SBF2: variants seen among roughly 807,000 people sequenced by gnomAD.
SBF2 encodes SET binding factor 2.
A neutral mutation model predicts 225.2 loss-of-function variants in SBF2; 112 were observed. The observed-to-expected ratio is 0.50, with a 90% CI of 0.43 to 0.58. The LOEUF (loss-of-function observed/expected upper bound fraction) is 0.58, where lower values mean the gene tolerates loss of function less well. Among genes scored for constraint, SBF2 ranks in the 20% least tolerant of loss-of-function variants. SBF2 has a pLI of 0.00. For synonymous variants in SBF2, 763 were observed against 773.3 expected (o/e 0.99, Z 0.22); for missense variants, 1,996 against 2,206.2 (o/e 0.90, Z 1.91).
chr11:9,864,917 AT>A (rs1042716865), intron 17 of SBF2, among the ~76,000 whole-genome samples: 35 of 149,040 alleles, frequency 2.3e-4, no homozygotes, highest in East Asian at 3.9e-4. Context: ...GTTTTTATTT[AT>A]TTTTTTTTTT....
chr11:9,839,402 A>C, intron 26 of SBF2, 96 bp downstream of exon 26: 1 of 1,221,896 alleles, frequency 8.2e-7, no homozygotes, highest in Non-Finnish European at 1.2e-6. Context: ...AGGCATTTTT[A>C]TCTATCTCAG....
At chr11:10,144,692 C>T (rs769367928) in intron 2 of SBF2, among the ~76,000 whole-genome samples, 3 of 152,108 alleles carry the variant, frequency 2.0e-5, no homozygotes, top group Non-Finnish European at 2.9e-5. Context: ...TAAAAGAAAG[C>T]GAGAAAGTTC....
intron 2 of SBF2, among the ~76,000 whole-genome samples, chr11:10,075,538 C>G (rs1231061874): frequency 6.6e-6 from 1 of 152,108 alleles, no homozygotes; most frequent in Admixed American, 6.5e-5. Context: ...AGATTTCCCC[C>G]TTGCTGTTCT....
rs1330004124 is a variant in SBF2 at position 10,069,615 on chromosome 11, A to AATT, written c.142-26635_142-26634insAAT. 1.1e-4 allele frequency among the ~76,000 whole-genome samples: 17 copies of AATT among 152,304 alleles called. No homozygotes were observed. In the South Asian group the frequency reaches 3.5e-3, roughly 32 times the overall value. On this transcript the variant is annotated intron_variant, in intron 2 of 39. Transcript: ENST00000256190. ...TGCTGCTGTGAACAGTGCTGCAATA[A>AATT]ACATACATGTGCATGTGTCTTTATA...
At chr11:9,858,181 A>G (rs1187400371) in intron 18 of SBF2, 45 bp downstream of exon 18, 1 of 1,610,070 alleles carries the variant, frequency 6.2e-7, no homozygotes, top group Non-Finnish European at 8.5e-7. Flanking sequence ...CCTTAAAGCC[A>G]GAATCCTAAT....
At chr11:10,298,835 G>C (rs1457459769), upstream of SBF2, among the ~76,000 whole-genome samples, 1 of 152,132 alleles carries the variant, frequency 6.6e-6, no homozygotes, top group Non-Finnish European at 1.5e-5. Flanking sequence ...ACTAGTTTGA[G>C]CCGTTATCAC....
At chr11:10,222,409 T>C (rs1161688677) in intron 1 of SBF2, among the ~76,000 whole-genome samples, 1 of 151,894 alleles carries the variant, frequency 6.6e-6, no homozygotes, top group Non-Finnish European at 1.5e-5. Context: ...CACAACAAGT[T>C]TGAAAAATTA....
intron 1 of SBF2, among the ~76,000 whole-genome samples, chr11:10,278,424 A>C (rs752372623): frequency 6.6e-6 from 1 of 152,222 alleles, no homozygotes; most frequent in Admixed American, 6.5e-5. Context: ...GCTCAGCAAT[A>C]ATAGGATATT....
intron 13 of SBF2, among the ~76,000 whole-genome samples, chr11:9,980,916 AT>A (rs144553493): frequency 0.04 from 6,136 of 152,282 alleles, 154 homozygotes; most frequent in Middle Eastern, 0.12. Flanking sequence ...TAAAAGATGG[AT>A]TTTTTTGTTT....
intron 2 of SBF2, among the ~76,000 whole-genome samples, chr11:10,102,618 T>C (rs768404127): frequency 8.5e-5 from 13 of 152,132 alleles, no homozygotes; most frequent in Non-Finnish European, 1.9e-4. Flanking sequence ...TTTAAGCAGG[T>C]TGAAAAGGGT....
chr11:10,094,053 G>A (rs1040305277), intron 2 of SBF2, among the ~76,000 whole-genome samples: 5 of 152,166 alleles, frequency 3.3e-5, no homozygotes, highest in Admixed American at 6.5e-5. Context: ...ACTTTTGGCC[G>A]GGTGCGGTGG....
chr11:9,870,013 T>C (rs1031859622), intron 17 of SBF2, among the ~76,000 whole-genome samples: 3 of 152,178 alleles, frequency 2.0e-5, no homozygotes, highest in African/African-American at 4.8e-5. Flanking sequence ...AGTCTCAGCA[T>C]ACAAAAATCA....
At chr11:10,061,485 A>G (rs970128156) in intron 2 of SBF2, among the ~76,000 whole-genome samples, 3 of 152,246 alleles carry the variant, frequency 2.0e-5, no homozygotes, top group Admixed American at 1.3e-4. Flanking sequence ...AAACAACTTC[A>G]GCAAAGTTGC....
intron 16 of SBF2, among the ~76,000 whole-genome samples, chr11:9,947,492 G>C (rs1865631257): frequency 6.6e-6 from 1 of 152,210 alleles, no homozygotes; most frequent in Non-Finnish European, 1.5e-5. Flanking sequence ...TGCTGATGGG[G>C]AAGAAGGGTG....
At chr11:10,064,502 C>T (rs569829844) in intron 2 of SBF2, among the ~76,000 whole-genome samples, 38 of 152,044 alleles carry the variant, frequency 2.5e-4, no homozygotes, top group Middle Eastern at 3.4e-3. Flanking sequence ...GATTTTAAGA[C>T]CACGTAAAAA....
chr11:9,788,837 C>G (rs536885938), intron 35 of SBF2, among the ~76,000 whole-genome samples: 162 of 151,048 alleles, frequency 1.1e-3, no homozygotes, highest in African/African-American at 3.5e-3. Flanking sequence ...GATCTCCTGA[C>G]CTTGTGATCT....
At chr11:9,794,968 G>A (rs1030161399) in intron 33 of SBF2, among the ~76,000 whole-genome samples, 2 of 152,082 alleles carry the variant, frequency 1.3e-5, no homozygotes, top group Admixed American at 6.6e-5. Context: ...ATTTAAAACT[G>A]AGAACATCAG....
At chr11:10,020,264 T>C (rs1284651903) in intron 6 of SBF2, among the ~76,000 whole-genome samples, 2 of 152,084 alleles carry the variant, frequency 1.3e-5, no homozygotes, top group African/African-American at 2.4e-5. Flanking sequence ...TTAACTGCTA[T>C]ATGACCTTCC....
At chr11:10,203,966 G>A (rs572052159) in intron 1 of SBF2, among the ~76,000 whole-genome samples, 2 of 151,916 alleles carry the variant, frequency 1.3e-5, no homozygotes, top group South Asian at 4.2e-4. Context: ...AAGTAATAAT[G>A]GCCAAATTTA....
Sources: allele counts gnomAD v4.1 joint callset (sites outside exome capture counted in the v4.1 genomes callset), GRCh38; gene constraint gnomAD v4.1.1; transcripts MANE v1.5; gene names NCBI Gene and HGNC (gene_info 2026-07-23, HGNC 2026-07-21).